Variants in ITGB3BP observed in about 807,000 individuals in gnomAD.
The protein encoded by ITGB3BP is centromere protein R.
A neutral mutation model predicts 29.1 loss-of-function variants in ITGB3BP; 27 were observed. The ratio of observed to expected loss-of-function variants is 0.93; its 90% CI spans 0.68 to 1.28. The LOEUF is 1.28. Among genes scored for constraint, ITGB3BP ranks in the 50% most tolerant of loss-of-function variants. The probability of loss-of-function intolerance (pLI) is 0.00; values close to 1 mark genes in which losing one functional copy is unlikely to be tolerated. For synonymous variants in ITGB3BP, 61 were observed against 61.4 expected, an observed-to-expected ratio of 0.99 and a Z score of 0.03; for missense variants, 192 against 200.2, an observed-to-expected ratio of 0.96 and a Z score of 0.25.
chr1:63,522,717 T>C (rs1250005767), intron 1 of ITGB3BP, among the ~76,000 whole-genome samples: 1 of 152,088 alleles, frequency 6.6e-6, no homozygotes. Flanking sequence ...AATCCAGGTA[T>C]CTAGACCCAC....
chr1:63,513,144 A>G (rs1480720507), intron 1 of ITGB3BP, among the ~76,000 whole-genome samples: 1 of 152,174 alleles, frequency 6.6e-6, no homozygotes, highest in Non-Finnish European at 1.5e-5. Flanking sequence ...ATTATCTTCC[A>G]GTTTTCTCCA....
intron 1 of ITGB3BP, among the ~76,000 whole-genome samples, chr1:63,519,753 C>T (rs1253749685): frequency 3.9e-5 from 6 of 152,068 alleles, no homozygotes; most frequent in South Asian, 4.2e-4. Context: ...ATCATTGTAC[C>T]TGGCAGTAGC....
intron 3 of ITGB3BP, among the ~76,000 whole-genome samples, chr1:63,481,524 G>A (rs758682612): frequency 9.2e-5 from 14 of 152,178 alleles, no homozygotes; most frequent in Admixed American, 2.6e-4. Flanking sequence ...TTTTTCTTGT[G>A]AGATTATATG....
chr1:63,477,649 G>C (rs1645364283), intron 4 of ITGB3BP, among the ~76,000 whole-genome samples: 1 of 151,874 alleles, frequency 6.6e-6, no homozygotes, highest in South Asian at 2.1e-4. Flanking sequence ...GAACCCAGGA[G>C]GTTAAGGCTG....
rs1428001141 is a variant in ITGB3BP, at chr1:63,446,955, A to T, written c.485-99T>A. ...TAAATGTTGAAGCAAAATGAAATTA[A>T]AACAACCTGAAGTCTTGTTTTATAC... On this transcript the variant is annotated intron_variant, in intron 7 of 8. Coordinates refer to ENST00000271002, the MANE Select transcript of ITGB3BP (RefSeq NM_014288.5). The T allele has an allele frequency of 4.8e-6, 4 of 840,438 alleles. No homozygotes were observed. In the East Asian group the frequency reaches 1.0e-4, roughly 21 times the overall value. The allele number at this position is 840,438 out of a possible 1,614,324, so 52.1% of individuals were successfully genotyped here.
At chr1:63,473,444 C>A (rs368701277) in intron 4 of ITGB3BP, among the ~76,000 whole-genome samples, 1 of 129,722 alleles carries the variant, frequency 7.7e-6, no homozygotes, top group Non-Finnish European at 1.7e-5. Context: ...CCCCTCTGCC[C>A]GGCCAGTCGC....
chr1:63,465,329 A>G (rs924397545), intron 4 of ITGB3BP, among the ~76,000 whole-genome samples: 2 of 152,138 alleles, frequency 1.3e-5, no homozygotes, highest in Non-Finnish European at 2.9e-5. Context: ...TTTTCTGTAA[A>G]TTTAAAATTA....
At chr1:63,455,037 C>A in intron 4 of ITGB3BP, 69 bp from the exon 5 acceptor site, 1 of 758,976 alleles carries the variant, frequency 1.3e-6, no homozygotes. Flanking sequence ...ATTTTCAGAG[C>A]TTTAACTCTT....
In ITGB3BP at chr1:63,448,959, T is replaced by C. The variant is rs1217659673; in HGVS notation, c.485-2103A>G. 2.0e-5 allele frequency among the ~76,000 whole-genome samples: 3 copies of C among 152,176 alleles called. No individual in the cohort carries two copies. The East Asian group carries it at 5.8e-4, about 29-fold the overall frequency. On this transcript the variant is annotated intron_variant, in intron 7 of 8. Coordinates refer to ENST00000271002, the MANE Select transcript of ITGB3BP (RefSeq NM_014288.5). ...AAATTTGTTACAGCTGGCAAATGTG[T>C]ATGAGTCAGTGATAGCACATGACTA... is the stretch of plus-strand genomic sequence containing the variant.
chr1:63,450,177 G>T (rs369532453), intron 7 of ITGB3BP, among the ~76,000 whole-genome samples: 3 of 152,000 alleles, frequency 2.0e-5, no homozygotes, highest in Admixed American at 6.5e-5. Flanking sequence ...ACCAAAGTTG[G>T]AAATTCTGAA....
At position 63,441,103 on chromosome 1, in the gene ITGB3BP, C is replaced by T. The variant is rs1214111032; in HGVS notation, c.*2G>A. 1.3e-5 allele frequency: 2 copies of T among 152,344 alleles called. No homozygotes were observed. The highest frequency in any genetic ancestry group is 6.6e-5 in the Admixed American group (1 of 15,264). The allele number at this position is 152,344 out of a possible 1,614,324, so 9.4% of individuals were successfully genotyped here. A position where few individuals can be genotyped will look rare whatever the true frequency, so the allele number is the denominator to read the frequency against. Reference sequence around the variant, plus strand: ...ATGGTGAGTGCATTTCTTCTTAATGCCTGTGAGATATAAAAGATAATTATA... The same window carrying T: ...ATGGTGAGTGCATTTCTTCTTAATGTCTGTGAGATATAAAAGATAATTATA... On this transcript the variant is annotated splice_region_variant and 3_prime_UTR_variant, in exon 9 of 9. Coordinates refer to ENST00000271002, the MANE Select transcript of ITGB3BP (RefSeq NM_014288.5).
chr1:63,467,401 G>A (rs988237783), intron 4 of ITGB3BP, among the ~76,000 whole-genome samples: 8 of 151,402 alleles, frequency 5.3e-5, no homozygotes, highest in Non-Finnish European at 1.0e-4. Context: ...CCAGGCTAGA[G>A]TGCATTGGCA....
chr1:63,480,099 T>C (rs776058183), intron 3 of ITGB3BP, among the ~76,000 whole-genome samples: 1 of 152,100 alleles, frequency 6.6e-6, no homozygotes, highest in African/African-American at 2.4e-5. Flanking sequence ...AACAATAAAA[T>C]AAATAAATGG....
chr1:63,466,584 C>T (rs1645103946), intron 4 of ITGB3BP, among the ~76,000 whole-genome samples: 1 of 152,140 alleles, frequency 6.6e-6, no homozygotes, highest in Non-Finnish European at 1.5e-5. Flanking sequence ...TATTTTAAAC[C>T]TATTATACCA....
chr1:63,492,751 G>A (rs1447167851), intron 2 of ITGB3BP, among the ~76,000 whole-genome samples: 2 of 151,706 alleles, frequency 1.3e-5, no homozygotes, highest in Non-Finnish European at 2.9e-5. Context: ...AAAAAGCAAG[G>A]ACTCAGGATG....
intron 2 of ITGB3BP, among the ~76,000 whole-genome samples, chr1:63,504,858 G>A (rs1357411173): frequency 1.3e-5 from 2 of 152,114 alleles, no homozygotes; most frequent in Non-Finnish European, 2.9e-5. Flanking sequence ...CCAGGGATGA[G>A]GCCCACTTGA....
At chr1:63,511,260 A>C (rs1646193494) in intron 1 of ITGB3BP, among the ~76,000 whole-genome samples, 1 of 152,154 alleles carries the variant, frequency 6.6e-6, no homozygotes, top group Non-Finnish European at 1.5e-5. Flanking sequence ...GCTACTATTA[A>C]AAAACCAAAC....
At chr1:63,499,885 C>A (rs965190350) in intron 2 of ITGB3BP, among the ~76,000 whole-genome samples, 1 of 152,162 alleles carries the variant, frequency 6.6e-6, no homozygotes, top group African/African-American at 2.4e-5. Flanking sequence ...TAACATCATA[C>A]TTAATGATGA....
At chr1:63,483,474 C>A (rs1464634532) in intron 3 of ITGB3BP, among the ~76,000 whole-genome samples, 1 of 151,924 alleles carries the variant, frequency 6.6e-6, no homozygotes, top group East Asian at 1.9e-4. Flanking sequence ...ATCAGTCTTG[C>A]CAGAGGGCTA....
Sources: allele counts gnomAD v4.1 joint callset (sites outside exome capture counted in the v4.1 genomes callset), GRCh38; gene constraint gnomAD v4.1.1; transcripts MANE v1.5; gene names NCBI Gene and HGNC (gene_info 2026-07-23, HGNC 2026-07-21).